EPHA3: variants seen among roughly 807,000 people sequenced by gnomAD.
EPHA3 encodes EPH receptor A3.
Under a neutral mutation model 107.1 loss-of-function variants are expected in EPHA3, and 42 were observed. The observed-to-expected ratio is 0.39, with a 90% CI of 0.31 to 0.51. EPHA3 has a LOEUF of 0.51. EPHA3 is among the 20% of genes least tolerant of loss of function. The pLI is 0.78. For synonymous variants in EPHA3, 461 were observed against 424.8 expected, an observed-to-expected ratio of 1.09 and a Z score of -1.05; for missense variants, 1,183 against 1,211.2, an observed-to-expected ratio of 0.98 and a Z score of 0.35.
chr3:89,405,229 G>A (rs898057735), intron 7 of EPHA3, among the ~76,000 whole-genome samples: 3 of 152,136 alleles, frequency 2.0e-5, no homozygotes, highest in Middle Eastern at 3.2e-3. Context: ...TGGCCAAGCC[G>A]ATGGGGAGTT....
At position 89,256,485 on chromosome 3, in the gene EPHA3, C is replaced by T. The variant is rs961720573; in HGVS notation, c.814+45965C>T. On this transcript the variant is annotated intron_variant, in intron 3 of 16. Coordinates refer to ENST00000336596, the MANE Select transcript of EPHA3 (RefSeq NM_005233.6). Reference sequence around the variant, plus strand: ...ACTCGGGAACCTGAGGCAGGAGAATCGCTTGGACTCAGAGGTTGCATTGAG... The same window carrying T: ...ACTCGGGAACCTGAGGCAGGAGAATTGCTTGGACTCAGAGGTTGCATTGAG... Among the ~76,000 whole-genome samples, 4 of 152,032 alleles carry T rather than the reference C, an allele frequency of 2.6e-5. No individual in the cohort carries two copies. The East Asian group carries it at 5.8e-4, about 22-fold the overall frequency.
At chr3:89,214,702 C>A (rs893252178) in intron 3 of EPHA3, among the ~76,000 whole-genome samples, 2 of 151,816 alleles carry the variant, frequency 1.3e-5, no homozygotes, top group Non-Finnish European at 2.9e-5. Flanking sequence ...AAACAGCAGT[C>A]ACGCTTGATT....
intron 3 of EPHA3, among the ~76,000 whole-genome samples, chr3:89,330,712 G>A (rs1707265880): frequency 6.6e-6 from 1 of 152,010 alleles, no homozygotes; most frequent in African/African-American, 2.4e-5. Flanking sequence ...ATAACTAAGA[G>A]AGCAAATAAT....
intron 5 of EPHA3, among the ~76,000 whole-genome samples, chr3:89,394,976 T>C (rs1708818607): frequency 6.6e-6 from 1 of 152,228 alleles, no homozygotes; most frequent in African/African-American, 2.4e-5. Context: ...TTTTTCCTTT[T>C]AATGGAAGGG....
At chr3:89,158,228 C>T (rs551227639) in intron 2 of EPHA3, among the ~76,000 whole-genome samples, 4 of 152,180 alleles carry the variant, frequency 2.6e-5, no homozygotes, top group South Asian at 2.1e-4. Context: ...ACCTAAACAG[C>T]TTGACTCCAG....
intron 3 of EPHA3, among the ~76,000 whole-genome samples, chr3:89,241,966 G>A (rs1440658799): frequency 6.6e-6 from 1 of 151,978 alleles, no homozygotes. Flanking sequence ...TTGATAGGAA[G>A]GTAAATAAAA....
At chr3:89,286,119 C>CGTGTGTGTGTGT (rs373081017) in intron 3 of EPHA3, among the ~76,000 whole-genome samples, 34 of 136,658 alleles carry the variant, frequency 2.5e-4, no homozygotes, top group African/African-American at 7.3e-4. Context: ...TCAATTTCTA[C>CGTGTGTGTGTGT]GTGTGTGTGT....
intron 11 of EPHA3, 65 bp from the exon 12 acceptor site, chr3:89,429,041 A>G: frequency 9.0e-7 from 1 of 1,114,234 alleles, no homozygotes; most frequent in Non-Finnish European, 1.3e-6. Flanking sequence ...CAACTATATT[A>G]TATATGTTCA....
At chr3:89,296,111 A>T (rs1196852219) in intron 3 of EPHA3, among the ~76,000 whole-genome samples, 1 of 152,162 alleles carries the variant, frequency 6.6e-6, no homozygotes, top group Non-Finnish European at 1.5e-5. Context: ...TGAAGTCTTA[A>T]ATCCCTCTAT....
chr3:89,398,601 C>G (rs1392590659), intron 6 of EPHA3, among the ~76,000 whole-genome samples: 2 of 148,742 alleles, frequency 1.3e-5, no homozygotes, highest in African/African-American at 5.2e-5. Flanking sequence ...AAAAGTTCTA[C>G]TCCAGAATCA....
chr3:89,445,025 G>T (rs1187028155), intron 13 of EPHA3, among the ~76,000 whole-genome samples: 2 of 152,154 alleles, frequency 1.3e-5, no homozygotes, highest in Non-Finnish European at 2.9e-5. Context: ...CAGCACTTTG[G>T]TAGGTGGAGG....
rs527326099 is a variant in EPHA3 at position 89,165,641 on chromosome 3, AT to A, written c.153+38369del. ...TTTTAATGTTATTACCTTCAAAAAA[AT>A]GTGTTACTTTTGTATTCTCCTTTTG... On this transcript the variant is annotated intron_variant, in intron 2 of 16. Coordinates refer to ENST00000336596, the MANE Select transcript of EPHA3 (RefSeq NM_005233.6). Among the ~76,000 whole-genome samples, 38 of 152,334 alleles carry A rather than the reference AT, an allele frequency of 2.5e-4. No homozygotes were observed. In the South Asian group the frequency reaches 5.8e-3, roughly 23 times the overall value.
chr3:89,427,694 C>T (rs1041851179), intron 11 of EPHA3, among the ~76,000 whole-genome samples: 1 of 151,796 alleles, frequency 6.6e-6, no homozygotes, highest in Non-Finnish European at 1.5e-5. Flanking sequence ...TGACTGCTAT[C>T]TAATTGTATT....
intron 5 of EPHA3, among the ~76,000 whole-genome samples, chr3:89,379,884 T>C (rs983595798): frequency 1.3e-5 from 2 of 152,190 alleles, no homozygotes; most frequent in Non-Finnish European, 2.9e-5. Context: ...AATGTTTGAA[T>C]TGACTTCATA....
chr3:89,354,608 C>T (rs1707904604), intron 5 of EPHA3, among the ~76,000 whole-genome samples: 1 of 151,098 alleles, frequency 6.6e-6, no homozygotes, highest in African/African-American at 2.4e-5. Context: ...ACATTCTATA[C>T]CATTCGCACC....
intron 5 of EPHA3, among the ~76,000 whole-genome samples, chr3:89,359,014 C>T (rs2107454906): frequency 6.6e-6 from 1 of 151,030 alleles, no homozygotes; most frequent in Middle Eastern, 3.4e-3. Flanking sequence ...TCTATCTGTC[C>T]ATTTACTTAC....
At chr3:89,138,454 T>C (rs1704360443) in intron 2 of EPHA3, among the ~76,000 whole-genome samples, 1 of 151,704 alleles carries the variant, frequency 6.6e-6, no homozygotes, top group Non-Finnish European at 1.5e-5. Context: ...GATAGGAAAA[T>C]GGGAATACAG....
intron 2 of EPHA3, among the ~76,000 whole-genome samples, chr3:89,181,717 T>C (rs1346292874): frequency 6.6e-6 from 1 of 151,968 alleles, no homozygotes; most frequent in Non-Finnish European, 1.5e-5. Context: ...TGAAATACCT[T>C]GTTCAAAAAC....
At chr3:89,263,952 G>T (rs1328062450) in intron 3 of EPHA3, among the ~76,000 whole-genome samples, 1 of 152,060 alleles carries the variant, frequency 6.6e-6, no homozygotes, top group Non-Finnish European at 1.5e-5. Context: ...TATTTCAGGG[G>T]AGGGGATGCA....
Sources: allele counts gnomAD v4.1 joint callset (sites outside exome capture counted in the v4.1 genomes callset), GRCh38; gene constraint gnomAD v4.1.1; transcripts MANE v1.5; gene names NCBI Gene and HGNC (gene_info 2026-07-23, HGNC 2026-07-21).